CTNNA3: variants seen among roughly 807,000 people sequenced by gnomAD.
CTNNA3 encodes catenin alpha 3.
CTNNA3 carries 76 observed loss-of-function variants against 95.7 expected under a neutral mutation model. The ratio of observed to expected loss-of-function variants is 0.79; its 90% CI spans 0.66 to 0.96. CTNNA3 has a LOEUF of 0.96. CTNNA3 is among the 40% of genes least tolerant of loss of function. The pLI, the probability that CTNNA3 is intolerant of heterozygous loss-of-function variation, is 0.00. For missense variants in CTNNA3, 1,191 were observed against 1,089.8 expected (o/e 1.09, Z -1.31); for synonymous variants, 431 against 374.4 (o/e 1.15, Z -1.74).
chr10:67,440,275 G>A (rs941278346), intron 5 of CTNNA3, among the ~76,000 whole-genome samples: 11 of 152,204 alleles, frequency 7.2e-5, no homozygotes, highest in Non-Finnish European at 1.5e-4. Flanking sequence ...GGAGGGAAGA[G>A]TGGGAAGGAC....
At chr10:66,776,596 C>A (rs935514835) in intron 7 of CTNNA3, among the ~76,000 whole-genome samples, 1 of 152,132 alleles carries the variant, frequency 6.6e-6, no homozygotes, top group Admixed American at 6.6e-5. Context: ...GCTATATACT[C>A]TCCTTTACAG....
intron 7 of CTNNA3, among the ~76,000 whole-genome samples, chr10:67,065,035 C>T (rs10509279): frequency 0.11 from 16,010 of 152,154 alleles, 1,087 homozygotes; most frequent in South Asian, 0.2. Context: ...TATGGTCCTA[C>T]ATAGCAAGTC....
At chr10:66,164,518 G>A (rs1219456624) in intron 13 of CTNNA3, among the ~76,000 whole-genome samples, 1 of 138,752 alleles carries the variant, frequency 7.2e-6, no homozygotes, top group East Asian at 2.1e-4. Flanking sequence ...TATGGACACT[G>A]TTTTTTTTTT....
At chr10:67,276,195 A>G (rs150372810) in intron 5 of CTNNA3, among the ~76,000 whole-genome samples, 294 of 152,286 alleles carry the variant, frequency 1.9e-3, no homozygotes, top group African/African-American at 6.7e-3. Flanking sequence ...TTATGGAAGA[A>G]TTTAGGACAG....
At chr10:66,528,578 A>T (rs1175878421) in intron 10 of CTNNA3, among the ~76,000 whole-genome samples, 1 of 152,094 alleles carries the variant, frequency 6.6e-6, no homozygotes, top group East Asian at 1.9e-4. Flanking sequence ...ACCTGCCACA[A>T]ATAGTTTTGG....
rs1329328510 is a variant in CTNNA3 at position 66,927,399 on chromosome 10, T to A, written c.1048-151875A>T. ...TTCGGGGCTTGCGGAAGCTGCTGAG[T>A]TTACATTTACGGTCTAACTCCCTGA... On this transcript the variant is annotated intron_variant, in intron 7 of 17. Coordinates refer to ENST00000433211, the MANE Select transcript of CTNNA3 (RefSeq NM_013266.4). This position sits in a 1 kb window ranked among gnomAD's most constrained non-coding sequence, Gnocchi z 4.7. 3 of 1,614,080 alleles carry A rather than the reference T, an allele frequency of 1.9e-6. No homozygotes were observed. The highest frequency in any genetic ancestry group is 1.7e-6 in the Non-Finnish European group (2 of 1,180,018).
intron 8 of CTNNA3, among the ~76,000 whole-genome samples, chr10:66,774,521 C>G (rs1206913048): frequency 6.6e-6 from 1 of 151,880 alleles, no homozygotes; most frequent in Non-Finnish European, 1.5e-5. Context: ...TTTTCACAGA[C>G]TTCAACATTA....
At chr10:66,976,946 T>C (rs1452962380) in intron 7 of CTNNA3, among the ~76,000 whole-genome samples, 2 of 152,170 alleles carry the variant, frequency 1.3e-5, no homozygotes, top group Non-Finnish European at 2.9e-5. Context: ...AACCAAAATT[T>C]AAATTTCTAG....
intron 7 of CTNNA3, among the ~76,000 whole-genome samples, chr10:66,948,194 G>C (rs972041114): frequency 6.6e-6 from 1 of 152,124 alleles, no homozygotes; most frequent in Non-Finnish European, 1.5e-5. Context: ...GGCTCTTCTC[G>C]AAATTCTCAA....
chr10:67,519,013 C>T (rs141693669), intron 5 of CTNNA3, among the ~76,000 whole-genome samples: 2,108 of 152,240 alleles, frequency 0.014, 23 homozygotes, highest in South Asian at 0.035. Context: ...CCTCTCACAC[C>T]TTTTCCAATC....
At chr10:67,757,169 T>C (rs974157593) in intron 1 of CTNNA3, among the ~76,000 whole-genome samples, 1 of 152,212 alleles carries the variant, frequency 6.6e-6, no homozygotes, top group Non-Finnish European at 1.5e-5. Flanking sequence ...GGGGAAAAAC[T>C]GAATGCCTTA....
chr10:67,126,558 C>T (rs1420359824), intron 7 of CTNNA3, among the ~76,000 whole-genome samples: 1 of 151,988 alleles, frequency 6.6e-6, no homozygotes, highest in Non-Finnish European at 1.5e-5. Flanking sequence ...GACTCTGTCT[C>T]AAGAAAAAGA....
chr10:66,520,695 T>A lies in CTNNA3; in HGVS notation c.1453A>T (p.Thr485Ser), dbSNP rs140913916. Reference protein sequence around the residue: ...VKNTMEMYKRTWENHIHVLTE... With the variant: ...VKNTMEMYKRSWENHIHVLTE... ...AGGACATGTATATGATTCTCCCATG[T>A]ACGCTTGTACATTTCCATGGTGTTT... Residue 485 changes from threonine (T) to serine (S), a missense_variant, in exon 11 of 18, where the codon ACA becomes TCA. By Grantham distance (58) the Thr-to-Ser change is moderately conservative. Coordinates refer to ENST00000433211, the MANE Select transcript of CTNNA3 (RefSeq NM_013266.4). 1.6e-3 allele frequency: 2,566 copies of A among 1,612,506 alleles called. 4 individuals carry two copies. Among genetic ancestry groups the A allele is most frequent in the Middle Eastern group, 3.5e-3 (21 of 6,056 alleles).
At chr10:67,265,321 T>C (rs190368584) in intron 5 of CTNNA3, among the ~76,000 whole-genome samples, 24 of 152,310 alleles carry the variant, frequency 1.6e-4, no homozygotes, top group Non-Finnish European at 3.1e-4. Context: ...ACTTTTTTTA[T>C]ATCTTCTCTT....
intron 5 of CTNNA3, among the ~76,000 whole-genome samples, chr10:67,346,886 C>A (rs16924402): frequency 6.6e-6 from 1 of 151,926 alleles, no homozygotes; most frequent in Non-Finnish European, 1.5e-5. Context: ...CAGCTTGAGA[C>A]AGCAGATGTG....
At chr10:67,410,631 CAA>C (rs61451586) in intron 5 of CTNNA3, among the ~76,000 whole-genome samples, 45 of 116,804 alleles carry the variant, frequency 3.9e-4, no homozygotes, top group Middle Eastern at 4.4e-3. Flanking sequence ...TCCCCCCACC[CAA>C]AAAAAAAAAA....
chr10:66,730,455 A>G (rs1848923983), intron 9 of CTNNA3, among the ~76,000 whole-genome samples: 1 of 152,198 alleles, frequency 6.6e-6, no homozygotes, highest in Admixed American at 6.5e-5. Flanking sequence ...GCCTGTCGGC[A>G]TGGGGTGGGG....
intron 11 of CTNNA3, among the ~76,000 whole-genome samples, chr10:66,428,064 C>A (rs1016015914): frequency 2.0e-5 from 3 of 151,908 alleles, no homozygotes; most frequent in African/African-American, 7.3e-5. Flanking sequence ...GAAGATCTAT[C>A]AAGCAAATGG....
At chr10:67,493,817 G>GAA (rs1304073690) in intron 5 of CTNNA3, among the ~76,000 whole-genome samples, 9 of 152,164 alleles carry the variant, frequency 5.9e-5, no homozygotes, top group Admixed American at 5.2e-4. Flanking sequence ...AGGAAAAGAA[G>GAA]AAAGACAGGA....
Sources: gnomAD v4.1 joint callset for allele counts (sites outside exome capture counted in the v4.1 genomes callset) on GRCh38, gnomAD v4.1.1 for gene constraint, Gnocchi (gnomAD v3.1) non-coding constraint, MANE v1.5 for transcripts, NCBI Gene and HGNC (gene_info 2026-07-23, HGNC 2026-07-21) for gene names.